Variants in CFH observed in about 807,000 individuals in gnomAD.
CFH encodes the protein H factor 1 (complement).
CFH carries 53 observed loss-of-function variants against 147.3 expected under a neutral mutation model. The observed-to-expected ratio is 0.36, with a 90% CI of 0.29 to 0.45. The LOEUF (loss-of-function observed/expected upper bound fraction) is 0.45, where lower values mean the gene tolerates loss of function less well. CFH is among the 20% of genes least tolerant of loss of function. The pLI is 1.00. For synonymous variants in CFH, 536 were observed against 489.4 expected (o/e 1.10, Z -1.26); for missense variants, 1,380 against 1,498.0 (o/e 0.92, Z 1.30).
chr1:196,656,495 G>C lies in CFH; in HGVS notation c.58+4320G>C, dbSNP rs535608373. On this transcript the variant is annotated intron_variant, in intron 1 of 21. Coordinates refer to ENST00000367429, the MANE Select transcript of CFH (RefSeq NM_000186.4). ...AAGTGCACTAAACAGTTATCACCTT[G>C]TCTTCTCTTATATTTTCTAGTCACT... 4.8e-4 allele frequency among the ~76,000 whole-genome samples: 73 copies of C among 152,008 alleles called. 1 individual carries two copies. In the South Asian group the frequency reaches 6.0e-3, roughly 13 times the overall value.
chr1:196,746,025 T>G, intron 21 of CFH, 26 bp downstream of exon 21: 1 of 1,614,128 alleles, frequency 6.2e-7, no homozygotes, highest in Non-Finnish European at 8.5e-7. Flanking sequence ...TTCACGTGGC[T>G]GGAAAAATCT....
intron 9 of CFH, among the ~76,000 whole-genome samples, chr1:196,703,281 C>A (rs1668505819): frequency 6.6e-6 from 1 of 152,160 alleles, no homozygotes. Flanking sequence ...CATCCCATTG[C>A]AGGTCCCAAC....
chr1:196,686,600 T>A (rs770634320), intron 7 of CFH, among the ~76,000 whole-genome samples: 1 of 152,278 alleles, frequency 6.6e-6, no homozygotes, highest in East Asian at 1.9e-4. Context: ...GATTGATTAA[T>A]GACTTCAACT....
intron 9 of CFH, among the ~76,000 whole-genome samples, chr1:196,697,390 A>G (rs533621088): frequency 2.5e-4 from 38 of 152,218 alleles, no homozygotes; most frequent in African/African-American, 9.1e-4. Flanking sequence ...ATGCAGCCAA[A>G]AGACACATGA....
At chr1:196,730,166 G>A (rs1381219828) in intron 15 of CFH, among the ~76,000 whole-genome samples, 2 of 151,644 alleles carry the variant, frequency 1.3e-5, no homozygotes, top group East Asian at 3.9e-4. Context: ...TCTTTGAGGT[G>A]TACTACTAGA....
intron 1 of CFH, among the ~76,000 whole-genome samples, chr1:196,658,318 G>A (rs1186754595): frequency 6.6e-6 from 1 of 151,644 alleles, no homozygotes; most frequent in Non-Finnish European, 1.5e-5. Flanking sequence ...TGCAATCATG[G>A]CTCACTGCAG....
At position 196,739,919 on chromosome 1, in the gene CFH, A is replaced by C. The variant is rs540933007; in HGVS notation, c.2783-700A>C. On this transcript the variant is annotated intron_variant, in intron 17 of 21. Coordinates refer to ENST00000367429, the MANE Select transcript of CFH (RefSeq NM_000186.4). ...AGAGGTGTAATTGACTCACAATTCC[A>C]CATGGCTGGGAGGCCTCAGGAAACT... is the stretch of plus-strand genomic sequence containing the variant. 2.2e-4 allele frequency among the ~76,000 whole-genome samples: 33 copies of C among 152,356 alleles called. No individual in the cohort carries two copies. The South Asian group carries it at 6.2e-3, about 29-fold the overall frequency.
At chr1:196,653,010 A>T (rs543618578) in intron 1 of CFH, among the ~76,000 whole-genome samples, 1 of 151,984 alleles carries the variant, frequency 6.6e-6, no homozygotes, top group South Asian at 2.1e-4. Flanking sequence ...AAACTGAATG[A>T]ATTACATATT....
intron 9 of CFH, among the ~76,000 whole-genome samples, chr1:196,694,775 T>G (rs1201273530): frequency 6.6e-6 from 1 of 152,260 alleles, no homozygotes; most frequent in East Asian, 1.9e-4. Flanking sequence ...CTTGTTTTCA[T>G]GTATTTGCTG....
intron 14 of CFH, 101 bp from the exon 15 acceptor site, chr1:196,728,245 A>C: frequency 2.3e-6 from 2 of 858,356 alleles, no homozygotes; most frequent in African/African-American, 3.4e-5. Context: ...TTAAGTCATA[A>C]TTTTACCATG....
chr1:196,723,243 T>C (rs1267260473), intron 11 of CFH, among the ~76,000 whole-genome samples: 1 of 152,152 alleles, frequency 6.6e-6, no homozygotes, highest in Non-Finnish European at 1.5e-5. Flanking sequence ...ACAGGATTTT[T>C]TTTTTCCCTT....
At position 196,713,912 on chromosome 1, in the gene CFH, G is replaced by A; in HGVS notation, c.1514G>A (p.Cys505Tyr). 1.2e-6 allele frequency: 2 copies of A among 1,611,522 alleles called. No individual in the cohort carries two copies. Among genetic ancestry groups the A allele is most frequent in the Non-Finnish European group, 1.7e-6 (2 of 1,178,286 alleles). ...GKDGWSAQPT[C>Y]IKSCDIPVFM... ...GATGGATGGTCAGCTCAACCCACGT[G>A]CATTAGTAAGTAATTTATTATGTTT... is the stretch of plus-strand genomic sequence containing the variant. Residue 505 changes from cysteine (C) to tyrosine (Y), a missense_variant, in exon 10 of 22, where the codon TGC becomes TAC. This residue lies in a region of CFH where 830 missense variants were observed against 821.4 expected (regional missense o/e 1.01). Coordinates refer to ENST00000367429, the MANE Select transcript of CFH (RefSeq NM_000186.4).
intron 9 of CFH, among the ~76,000 whole-genome samples, chr1:196,701,124 T>G (rs1668436526): frequency 6.6e-6 from 1 of 152,202 alleles, no homozygotes. Flanking sequence ...AAAGGTCTTT[T>G]GTTTGTCTTT....
At chr1:196,720,718 T>TC (rs1668978423) in intron 11 of CFH, among the ~76,000 whole-genome samples, 1 of 151,990 alleles carries the variant, frequency 6.6e-6, no homozygotes, top group Non-Finnish European at 1.5e-5. Flanking sequence ...GGTGGACAAT[T>TC]AGTTTGATTC....
intron 18 of CFH, chr1:196,741,100 A>G: frequency 2.8e-6 from 1 of 360,522 alleles, no homozygotes; most frequent in Non-Finnish European, 5.2e-6. Context: ...ATCTTCTGTC[A>G]GTTTATCAAC....
chr1:196,711,976 G>A (rs1668733537), intron 9 of CFH, among the ~76,000 whole-genome samples: 2 of 152,066 alleles, frequency 1.3e-5, no homozygotes, highest in African/African-American at 4.8e-5. Context: ...AGATTCTAGT[G>A]AACTCATCTT....
chr1:196,709,975 A>C lies in CFH; in HGVS notation c.1337-3760A>C, dbSNP rs142885478. On this transcript the variant is annotated intron_variant, in intron 9 of 21. Transcript: ENST00000367429. The stretch of plus-strand genomic sequence containing the variant: ...CAGTGAGCTGTGATCACGCTACTGA[A>C]ATCCAGATGGGCAACAGAGCAAGAT... Among the ~76,000 whole-genome samples, 635 of 152,148 alleles carry C rather than the reference A, an allele frequency of 4.2e-3. 5 individuals carry two copies. The highest frequency in any genetic ancestry group is 0.014 in the African/African-American group (576 of 41,510).
At chr1:196,698,094 T>G (rs539319231) in intron 9 of CFH, among the ~76,000 whole-genome samples, 72 of 152,046 alleles carry the variant, frequency 4.7e-4, no homozygotes, top group African/African-American at 1.7e-3. Context: ...CCATGGCACA[T>G]GTATACATAT....
At chr1:196,690,318 T>C (rs1232651004) in intron 9 of CFH, 79 bp downstream of exon 9, 6 of 1,590,802 alleles carry the variant, frequency 3.8e-6, no homozygotes, top group Non-Finnish European at 5.2e-6. Flanking sequence ...CTCATCTATA[T>C]TAATTGTGGC....
Sources: gnomAD v4.1 joint callset for allele counts (sites outside exome capture counted in the v4.1 genomes callset) on GRCh38, gnomAD v4.1.1 for gene constraint, gnomAD v4.1.1 regional missense constraint, MANE v1.5 for transcripts, NCBI Gene and HGNC (gene_info 2026-07-23, HGNC 2026-07-21) for gene names.